The following EZR variants were observed in gnomAD, a reference collection of about 807,000 sequenced individuals.
The protein encoded by EZR is ezrin, also known as cytovillin 2.
In EZR, 40 loss-of-function variants were observed where a neutral mutation model predicts 74.8. The observed-to-expected ratio is 0.53, with a 90% CI of 0.42 to 0.70. EZR has a LOEUF of 0.70. Ranked by LOEUF, EZR falls within the 30% of genes least tolerant of loss-of-function variation. The pLI is 0.00. For synonymous variants in EZR, 341 were observed against 283.3 expected, an observed-to-expected ratio of 1.20 and a Z score of -2.05; for missense variants, 678 against 755.8, an observed-to-expected ratio of 0.90 and a Z score of 1.21.
Position 158,766,650 on chromosome 6 carries a change from A to T in EZR, c.*264T>A. On this transcript the variant is annotated 3_prime_UTR_variant, in exon 14 of 14. Coordinates refer to ENST00000367075, the MANE Select transcript of EZR (RefSeq NM_001111077.2). ...ACTTTACAGGCATTTTCCGTAATTC[A>T]ATCAGTCCTGCTCCCAGCACAACAC... is the stretch of plus-strand genomic sequence containing the variant. The T allele has an allele frequency of 4.6e-6, 2 of 430,928 alleles. No homozygotes were observed. Among genetic ancestry groups the T allele is most frequent in the Non-Finnish European group, 8.2e-6 (2 of 242,970 alleles). 26.7% of individuals were successfully genotyped at this position (430,928 alleles called of 1,614,324 possible).
At chr6:158,783,074 G>A (rs559925061) in intron 7 of EZR, among the ~76,000 whole-genome samples, 3 of 152,252 alleles carry the variant, frequency 2.0e-5, no homozygotes, top group South Asian at 2.1e-4. Context: ...GTGTCTACAC[G>A]TACAGGCTAT....
chr6:158,782,991 C>T (rs924327161), intron 7 of EZR, among the ~76,000 whole-genome samples: 2 of 152,220 alleles, frequency 1.3e-5, no homozygotes, highest in Non-Finnish European at 2.9e-5. Context: ...CTTACAGGCC[C>T]TCACTCAACA....
At chr6:158,792,065 C>A (rs182481542) in intron 2 of EZR, among the ~76,000 whole-genome samples, 92 of 152,152 alleles carry the variant, frequency 6.0e-4, no homozygotes, top group African/African-American at 2.2e-3. Context: ...GTGAAAATGA[C>A]ATCTCCTGAA....
chr6:158,810,772 C>T (rs1406224377), intron 2 of EZR, among the ~76,000 whole-genome samples: 3 of 152,144 alleles, frequency 2.0e-5, no homozygotes, highest in Non-Finnish European at 2.9e-5. Flanking sequence ...AAAACATTTG[C>T]GGGGTAGGGA....
chr6:158,779,156 G>C (rs1791359697), intron 7 of EZR, among the ~76,000 whole-genome samples: 2 of 152,142 alleles, frequency 1.3e-5, no homozygotes, highest in Non-Finnish European at 2.9e-5. Context: ...CCTTGAAAGA[G>C]GTCCTGGAAG....
rs910328435 is a variant in EZR, at chr6:158,765,904, A to G, written c.*1010T>C. On this transcript the variant is annotated 3_prime_UTR_variant, in exon 14 of 14. Transcript: ENST00000367075. ...TCCAGCAGCCTGCCAAGGCCATGGC[A>G]GAGAGAGACTGCAAACAAACAAACA... The G allele has an allele frequency of 4.7e-5, 6 of 127,600 alleles. No individual in the cohort carries two copies. Among genetic ancestry groups the G allele is most frequent in the Admixed American group, 1.5e-4 (2 of 13,548 alleles). The allele number at this position is 127,600 out of a possible 1,614,324, so 7.9% of individuals were successfully genotyped here. A position where few individuals can be genotyped will look rare whatever the true frequency, so the allele number is the denominator to read the frequency against.
intron 5 of EZR, 117 bp from the exon 6 acceptor site, chr6:158,784,844 A>C: frequency 1.3e-6 from 1 of 795,286 alleles, no homozygotes; most frequent in Non-Finnish European, 2.1e-6. Flanking sequence ...ATCAATCCCA[A>C]AGAGCTTTGG....
intron 7 of EZR, among the ~76,000 whole-genome samples, chr6:158,777,791 C>T (rs1791321344): frequency 1.3e-5 from 2 of 152,168 alleles, no homozygotes; most frequent in Admixed American, 1.3e-4. Flanking sequence ...TTAGCGCAGT[C>T]AGTCATGGTG....
chr6:158,768,527 G>C (rs972608756), intron 12 of EZR, among the ~76,000 whole-genome samples: 1 of 152,146 alleles, frequency 6.6e-6, no homozygotes, highest in Non-Finnish European at 1.5e-5. Flanking sequence ...AGAAGCCACA[G>C]TGGGGGAAGG....
Position 158,784,730 on chromosome 6 carries a change from G to A in EZR, c.468-3C>T. ...TAAGTTTGTGCTGGTCCATCACTCT[G>A]GAATGCAAAAGGAAACAGCACTGTC... On this transcript the variant is annotated splice_polypyrimidine_tract_variant and splice_region_variant and intron_variant, in intron 5 of 13. Transcript: ENST00000367075. 5 of 1,613,952 alleles carry A rather than the reference G, an allele frequency of 3.1e-6. No homozygotes were observed. The highest frequency in any genetic ancestry group is 3.4e-6 in the Non-Finnish European group (4 of 1,179,872).
At chr6:158,768,511 A>G (rs1332418420) in intron 12 of EZR, among the ~76,000 whole-genome samples, 1 of 152,148 alleles carries the variant, frequency 6.6e-6, no homozygotes, top group African/African-American at 2.4e-5. Flanking sequence ...GCACCTCCAC[A>G]GATGGAGAAG....
At chr6:158,792,283 A>G (rs1448293561) in intron 2 of EZR, among the ~76,000 whole-genome samples, 1 of 103,252 alleles carries the variant, frequency 9.7e-6, no homozygotes, top group Non-Finnish European at 2.4e-5. Flanking sequence ...GCATCATCTC[A>G]GCACTGCAAC....
chr6:158,818,961 A>C (rs941612922), intron 1 of EZR, among the ~76,000 whole-genome samples: 1 of 152,118 alleles, frequency 6.6e-6, no homozygotes, highest in Non-Finnish European at 1.5e-5. Context: ...GCACTCGGCA[A>C]GTTTCACTTT....
At chr6:158,808,827 CAACA>C (rs779420829) in intron 2 of EZR, among the ~76,000 whole-genome samples, 9 of 152,128 alleles carry the variant, frequency 5.9e-5, no homozygotes, top group South Asian at 4.1e-4. Context: ...TAATGCTAAA[CAACA>C]AACAAACAAA....
chr6:158,815,759 C>G (rs1288030367), intron 2 of EZR, among the ~76,000 whole-genome samples: 1 of 152,150 alleles, frequency 6.6e-6, no homozygotes. Flanking sequence ...TGTAATCAGG[C>G]CACCTCGCCT....
intron 2 of EZR, among the ~76,000 whole-genome samples, chr6:158,796,410 A>G (rs1777073025): frequency 1.3e-5 from 2 of 152,266 alleles, no homozygotes; most frequent in South Asian, 4.1e-4. Context: ...TGAGCCTGGC[A>G]CACAGGCCTG....
At chr6:158,809,708 G>T (rs1476259766) in intron 2 of EZR, among the ~76,000 whole-genome samples, 1 of 152,076 alleles carries the variant, frequency 6.6e-6, no homozygotes, top group Non-Finnish European at 1.5e-5. Flanking sequence ...TATATACAAG[G>T]TTAGAATAAA....
intron 2 of EZR, among the ~76,000 whole-genome samples, chr6:158,809,998 G>A (rs1777419073): frequency 6.6e-6 from 1 of 152,122 alleles, no homozygotes; most frequent in Admixed American, 6.5e-5. Context: ...GTCCACACAG[G>A]CAGTTTAAAA....
chr6:158,815,495 A>C (rs1399900325), intron 2 of EZR, among the ~76,000 whole-genome samples: 1 of 152,210 alleles, frequency 6.6e-6, no homozygotes, highest in African/African-American at 2.4e-5. Context: ...GTTTGTTTTC[A>C]GACAACATCT....
Sources: gnomAD v4.1 joint callset for allele counts (sites outside exome capture counted in the v4.1 genomes callset) on GRCh38, gnomAD v4.1.1 for gene constraint, MANE v1.5 for transcripts, NCBI Gene and HGNC (gene_info 2026-07-23, HGNC 2026-07-21) for gene names.